The following DLEU7 variants were observed in gnomAD, a reference collection of about 807,000 sequenced individuals.
DLEU7 encodes deleted in lymphocytic leukemia 7.
DLEU7 carries 17 observed loss-of-function variants against 16.0 expected under a neutral mutation model. That is an observed-to-expected ratio of 1.06 (90% CI 0.73 to 1.59). The LOEUF is 1.59. DLEU7 is among the 40% of genes most tolerant of loss of function. The pLI is 0.00. For missense variants in DLEU7, 308 were observed against 314.9 expected, an observed-to-expected ratio of 0.98 and a Z score of 0.17; for synonymous variants, 113 against 139.8, an observed-to-expected ratio of 0.81 and a Z score of 1.35.
intron 1 of DLEU7, among the ~76,000 whole-genome samples, chr13:50,801,290 C>T (rs1876239572): frequency 6.6e-6 from 1 of 152,042 alleles, no homozygotes; most frequent in South Asian, 2.1e-4. Context: ...ACACCGTCAC[C>T]CCTCCATCCA....
In DLEU7 at chr13:50,730,280, A is replaced by G. The variant is rs552367945; in HGVS notation, c.460-17040T>C. 2.6e-5 allele frequency among the ~76,000 whole-genome samples: 4 copies of G among 152,104 alleles called. No homozygotes were observed. In the East Asian group the frequency reaches 7.8e-4, roughly 30 times the overall value. ...ATCTGCAAGTAAGCAGATCTGAGCA[A>G]CTCAAACCCATGTTGTTCAAGGGTC... On this transcript the variant is annotated intron_variant, in intron 1 of 1. Coordinates refer to the DLEU7 transcript ENST00000400393.
chr13:50,836,894 G>A (rs563451070), intron 1 of DLEU7, among the ~76,000 whole-genome samples: 1 of 152,226 alleles, frequency 6.6e-6, no homozygotes, highest in African/African-American at 2.4e-5. Context: ...GGGGAGTGAT[G>A]TTTTCTGTTT....
chr13:50,810,938 T>C (rs1372243146), intron 1 of DLEU7, among the ~76,000 whole-genome samples: 2 of 152,198 alleles, frequency 1.3e-5, no homozygotes, highest in African/African-American at 2.4e-5. Flanking sequence ...GTTACAGAGA[T>C]AGAAAGTGTT....
chr13:50,725,677 G>A lies in DLEU7; in HGVS notation c.460-12437C>T, dbSNP rs2476614. Among the ~76,000 whole-genome samples, 486 of 152,270 alleles carry A rather than the reference G, an allele frequency of 3.2e-3. 3 individuals carry two copies. The highest frequency in any genetic ancestry group is 0.011 in the African/African-American group (460 of 41,548). ...GGAAAATCAAGCAGTGGTCAGGAGCGGGGGCATGGGAGGGGAAGGAGACGC... is the reference window on the plus strand; with the variant it reads ...GGAAAATCAAGCAGTGGTCAGGAGCAGGGGCATGGGAGGGGAAGGAGACGC... On this transcript the variant is annotated intron_variant, in intron 1 of 1. Coordinates refer to the DLEU7 transcript ENST00000400393.
intron 1 of DLEU7, among the ~76,000 whole-genome samples, chr13:50,741,717 T>A (rs1003343216): frequency 1.3e-5 from 2 of 152,170 alleles, no homozygotes; most frequent in African/African-American, 4.8e-5. Context: ...TCAATTAATA[T>A]CATAAAAGAA....
chr13:50,777,790 A>G (rs1408192881), intron 1 of DLEU7, among the ~76,000 whole-genome samples: 1 of 152,198 alleles, frequency 6.6e-6, no homozygotes, highest in Non-Finnish European at 1.5e-5. Flanking sequence ...AGTTCTAGGT[A>G]AGGAGAGAGC....
intron 1 of DLEU7, among the ~76,000 whole-genome samples, chr13:50,767,439 G>C (rs1356734805): frequency 8.3e-6 from 1 of 120,092 alleles, no homozygotes; most frequent in African/African-American, 3.3e-5. Context: ...CTGGGCGACA[G>C]AGCGAGACTC....
At chr13:50,711,949 T>C (rs1292181979) in exon 2 of DLEU7, 1 of 151,930 alleles carries the variant, frequency 6.6e-6, no homozygotes, top group Non-Finnish European at 1.5e-5. Flanking sequence ...ATTGTAAACT[T>C]AGGTAATCCA....
chr13:50,745,585 A>T (rs914152125), intron 1 of DLEU7, among the ~76,000 whole-genome samples: 2 of 152,212 alleles, frequency 1.3e-5, no homozygotes, highest in African/African-American at 4.8e-5. Context: ...AAATATATAC[A>T]CATTTGTGGT....
intron 1 of DLEU7, among the ~76,000 whole-genome samples, chr13:50,752,600 T>C (rs1229110233): frequency 6.6e-6 from 1 of 151,828 alleles, no homozygotes; most frequent in East Asian, 1.9e-4. Flanking sequence ...GTGGGGTTCG[T>C]GGTCTCGCTG....
intron 1 of DLEU7, among the ~76,000 whole-genome samples, chr13:50,714,690 A>G (rs1488575484): frequency 6.6e-6 from 1 of 151,996 alleles, no homozygotes; most frequent in Admixed American, 6.6e-5. Context: ...AGGCTGCTAA[A>G]ATGCTTCCTC....
chr13:50,744,048 A>G (rs1010085923), intron 1 of DLEU7, among the ~76,000 whole-genome samples: 1 of 152,186 alleles, frequency 6.6e-6, no homozygotes, highest in African/African-American at 2.4e-5. Context: ...CTGGAAGGCT[A>G]GAGGAAGGAG....
chr13:50,835,438 T>C (rs968357769), intron 1 of DLEU7, among the ~76,000 whole-genome samples: 5 of 152,242 alleles, frequency 3.3e-5, no homozygotes, highest in Non-Finnish European at 7.3e-5. Flanking sequence ...TGTTTCTTTT[T>C]TGGCCATCTT....
intron 1 of DLEU7, among the ~76,000 whole-genome samples, chr13:50,724,127 G>A (rs1378366626): frequency 6.6e-6 from 1 of 152,012 alleles, no homozygotes; most frequent in African/African-American, 2.4e-5. Context: ...ATAAAAGTTG[G>A]AATGGCACAT....
chr13:50,761,551 A>G (rs924070147), intron 1 of DLEU7, among the ~76,000 whole-genome samples: 2 of 152,150 alleles, frequency 1.3e-5, no homozygotes, highest in Admixed American at 1.3e-4. Context: ...AGGCAAATAC[A>G]GTGTGGATCA....
At chr13:50,791,998 C>A (rs934137110) in intron 1 of DLEU7, among the ~76,000 whole-genome samples, 5 of 152,192 alleles carry the variant, frequency 3.3e-5, no homozygotes, top group African/African-American at 9.6e-5. Context: ...CAATCTCTTA[C>A]ATTTTTTTAG....
Position 50,843,171 on chromosome 13 carries a change from G to C in DLEU7, c.459+17C>G, listed in dbSNP as rs1434515959. Reference sequence around the variant, plus strand: ...GTTACCCTGCACGCCAGAGGGGATGGCGGGGGCCAGACTCACCTTCAGGTG... The same window carrying C: ...GTTACCCTGCACGCCAGAGGGGATGCCGGGGGCCAGACTCACCTTCAGGTG... On this transcript the variant is annotated intron_variant, in intron 1 of 1. Transcript: ENST00000504404. This position sits in a 1 kb window ranked among gnomAD's most constrained non-coding sequence, Gnocchi z 5.7. The C allele has an allele frequency of 8.2e-6, 13 of 1,582,228 alleles. No individual in the cohort carries two copies. The highest frequency in any genetic ancestry group is 1.4e-5 in the African/African-American group (1 of 72,162).
At chr13:50,791,682 C>T (rs1309833963) in intron 1 of DLEU7, among the ~76,000 whole-genome samples, 1 of 152,056 alleles carries the variant, frequency 6.6e-6, no homozygotes, top group Non-Finnish European at 1.5e-5. Context: ...GAAAAATCCT[C>T]CCAAAATTAT....
intron 1 of DLEU7, among the ~76,000 whole-genome samples, chr13:50,718,823 T>C (rs1036316241): frequency 6.6e-6 from 1 of 152,206 alleles, no homozygotes; most frequent in African/African-American, 2.4e-5. Context: ...TATATGGTTT[T>C]GGTTAGAAAA....
Sources: allele counts gnomAD v4.1 joint callset (sites outside exome capture counted in the v4.1 genomes callset), GRCh38; gene constraint gnomAD v4.1.1; non-coding constraint Gnocchi (gnomAD v3.1); transcripts MANE v1.5; gene names NCBI Gene and HGNC (gene_info 2026-07-23, HGNC 2026-07-21).